The following PATJ variants were observed in gnomAD, a reference collection of about 807,000 sequenced individuals.
The protein encoded by PATJ is PATJ crumbs cell polarity complex component, also known as inaD-like protein.
Under a neutral mutation model 224.9 loss-of-function variants are expected in PATJ, and 190 were observed. The ratio of observed to expected loss-of-function variants is 0.84; its 90% confidence interval spans 0.75 to 0.95. The LOEUF (loss-of-function observed/expected upper bound fraction) is 0.95. PATJ is among the 40% of genes least tolerant of loss of function. The pLI is 0.00. For missense variants in PATJ, 2,121 were observed against 2,270.3 expected, an observed-to-expected ratio of 0.93 and a Z score of 1.34; for synonymous variants, 769 against 820.3, an observed-to-expected ratio of 0.94 and a Z score of 1.07.
chr1:62,124,688 C>A (rs979358781), intron 39 of PATJ, among the ~76,000 whole-genome samples: 2 of 152,148 alleles, frequency 1.3e-5, no homozygotes, highest in Non-Finnish European at 2.9e-5. Context: ...CTGAGGCCCC[C>A]CTCCTTGGCT....
At chr1:61,907,765 G>A (rs1218969443) in intron 24 of PATJ, among the ~76,000 whole-genome samples, 1 of 152,168 alleles carries the variant, frequency 6.6e-6, no homozygotes, top group Non-Finnish European at 1.5e-5. Context: ...TACAGAGTGT[G>A]CTCTTGGAGA....
intron 30 of PATJ, among the ~76,000 whole-genome samples, chr1:62,046,097 G>C (rs1410596133): frequency 6.6e-6 from 1 of 152,070 alleles, no homozygotes; most frequent in Admixed American, 6.6e-5. Context: ...AGCTACTTGG[G>C]AGGCTGAGGT....
At chr1:62,153,953 G>C (rs1445528878) in intron 43 of PATJ, among the ~76,000 whole-genome samples, 1 of 152,146 alleles carries the variant, frequency 6.6e-6, no homozygotes, top group Non-Finnish European at 1.5e-5. Context: ...GCCCAGGCTG[G>C]AGTGCAATGG....
Position 62,116,514 on chromosome 1 carries a change from G to T in PATJ, c.4656-18G>T. 1.9e-6 allele frequency: 3 copies of T among 1,613,426 alleles called. No homozygotes were observed. The highest frequency in any genetic ancestry group is 2.5e-6 in the Non-Finnish European group (3 of 1,179,754). Reference sequence around the variant, plus strand: ...TATTAGGTTGTGCCAATACTGCACTGCTGTATGGTATTAACAGAAATGGAA... The same window carrying T: ...TATTAGGTTGTGCCAATACTGCACTTCTGTATGGTATTAACAGAAATGGAA... On this transcript the variant is annotated intron_variant, in intron 35 of 43. Coordinates refer to ENST00000642238, the MANE Select transcript of PATJ (RefSeq NM_001350145.3).
At chr1:61,986,414 T>C (rs1217178338) in intron 27 of PATJ, among the ~76,000 whole-genome samples, 1 of 152,070 alleles carries the variant, frequency 6.6e-6, no homozygotes, top group Non-Finnish European at 1.5e-5. Flanking sequence ...AGTTCTGTAA[T>C]TTATTTTTAT....
chr1:61,945,457 C>G (rs1678536484), intron 27 of PATJ, among the ~76,000 whole-genome samples: 1 of 151,668 alleles, frequency 6.6e-6, no homozygotes, highest in African/African-American at 2.4e-5. Context: ...GACTTTAAAC[C>G]AACAAATATC....
chr1:61,805,353 A>G, intron 12 of PATJ, 95 bp from the exon 13 acceptor site: 1 of 750,820 alleles, frequency 1.3e-6, no homozygotes, highest in East Asian at 2.5e-5. Context: ...ACTTACTGAA[A>G]CTGGGCTGTT....
chr1:61,832,382 T>C (rs1659499929), intron 16 of PATJ, among the ~76,000 whole-genome samples: 1 of 152,182 alleles, frequency 6.6e-6, no homozygotes, highest in African/African-American at 2.4e-5. Context: ...AAACTAGCTA[T>C]TTTCCTAATT....
At chr1:62,146,455 A>G (rs1244977929) in intron 41 of PATJ, among the ~76,000 whole-genome samples, 1 of 152,144 alleles carries the variant, frequency 6.6e-6, no homozygotes, top group Admixed American at 6.6e-5. Context: ...GACCAGTGAG[A>G]AGGCTAGAAA....
At chr1:62,068,747 C>A (rs1214823918) in intron 31 of PATJ, among the ~76,000 whole-genome samples, 1 of 152,238 alleles carries the variant, frequency 6.6e-6, no homozygotes, top group East Asian at 1.9e-4. Flanking sequence ...GAAGCTCCTT[C>A]ACTTGATCAC....
At chr1:61,839,309 G>C (rs1208775325) in intron 17 of PATJ, among the ~76,000 whole-genome samples, 1 of 151,890 alleles carries the variant, frequency 6.6e-6, no homozygotes, top group Non-Finnish European at 1.5e-5. Context: ...CTACTAGATA[G>C]TATTCTCATT....
At chr1:61,964,875 G>T (rs956212932) in intron 27 of PATJ, among the ~76,000 whole-genome samples, 6 of 151,932 alleles carry the variant, frequency 3.9e-5, no homozygotes, top group Non-Finnish European at 5.9e-5. Context: ...ACTTTGGGAG[G>T]CTGAGGCAGG....
intron 31 of PATJ, among the ~76,000 whole-genome samples, chr1:62,079,076 T>G (rs1305277070): frequency 1.3e-5 from 2 of 152,054 alleles, no homozygotes; most frequent in African/African-American, 4.8e-5. Flanking sequence ...CACAGATAAG[T>G]CACTTCAAAG....
At chr1:61,817,757 G>C (rs1324127785) in intron 14 of PATJ, among the ~76,000 whole-genome samples, 1 of 152,144 alleles carries the variant, frequency 6.6e-6, no homozygotes, top group African/African-American at 2.4e-5. Context: ...ACCTCTGAGG[G>C]GGCACACCTA....
intron 1 of PATJ, among the ~76,000 whole-genome samples, chr1:61,752,135 T>C (rs1351610843): frequency 2.3e-5 from 2 of 85,852 alleles, no homozygotes; most frequent in African/African-American, 4.6e-5. Flanking sequence ...CAAAACATCA[T>C]CTCAAAAAAA....
intron 27 of PATJ, among the ~76,000 whole-genome samples, chr1:61,981,915 C>A (rs973585636): frequency 1.3e-5 from 2 of 152,046 alleles, no homozygotes; most frequent in African/African-American, 4.8e-5. Flanking sequence ...GTGATCCACC[C>A]GCCTTGGCCT....
intron 20 of PATJ, among the ~76,000 whole-genome samples, chr1:61,871,423 G>GTACATATATATGTATATA (rs1666425214): frequency 2.1e-5 from 1 of 47,518 alleles, no homozygotes; most frequent in African/African-American, 7.7e-5. Context: ...ACATATATAT[G>GTACATATATATGTATATA]TACATATATA....
intron 25 of PATJ, among the ~76,000 whole-genome samples, chr1:61,911,008 A>G (rs566112211): frequency 6.6e-6 from 1 of 152,320 alleles, no homozygotes; most frequent in East Asian, 1.9e-4. Flanking sequence ...TCTAGTTTAC[A>G]TTAAATTTTG....
At chr1:61,883,975 A>G (rs1363092404) in intron 21 of PATJ, among the ~76,000 whole-genome samples, 3 of 14,218 alleles carry the variant, frequency 2.1e-4, no homozygotes, top group Admixed American at 1.4e-3. Context: ...AATATTGCAT[A>G]AATGCCATTT....
Sources: gnomAD v4.1 joint callset for allele counts (sites outside exome capture counted in the v4.1 genomes callset) on GRCh38, gnomAD v4.1.1 for gene constraint, MANE v1.5 for transcripts, NCBI Gene and HGNC (gene_info 2026-07-23, HGNC 2026-07-21) for gene names.